Variants in CDH2 observed in about 807,000 individuals in gnomAD.
The protein encoded by CDH2 is cadherin 2.
In CDH2, 17 loss-of-function variants were observed where a neutral mutation model predicts 92.0. The ratio of observed to expected loss-of-function variants is 0.18; its 90% CI spans 0.13 to 0.28. The LOEUF (loss-of-function observed/expected upper bound fraction) is 0.28, where lower values mean the gene tolerates loss of function less well. Among genes scored for constraint, CDH2 ranks in the 10% least tolerant of loss-of-function variants. The probability of loss-of-function intolerance (pLI) is 1.00; values close to 1 mark genes in which losing one functional copy is unlikely to be tolerated. For synonymous variants in CDH2, 419 were observed against 415.9 expected, an observed-to-expected ratio of 1.01 and a Z score of -0.09; for missense variants, 862 against 1,133.1, an observed-to-expected ratio of 0.76 and a Z score of 3.44.
At chr18:28,164,719 T>C (rs1195349116) in intron 1 of CDH2, among the ~76,000 whole-genome samples, 4 of 152,008 alleles carry the variant, frequency 2.6e-5, no homozygotes, top group African/African-American at 9.7e-5. Context: ...CTTACTAGCA[T>C]ATGAAACAAT....
intron 1 of CDH2, among the ~76,000 whole-genome samples, chr18:28,171,909 TAC>T (rs1210010510): frequency 6.6e-5 from 10 of 152,164 alleles, no homozygotes; most frequent in Non-Finnish European, 1.5e-4. Flanking sequence ...CCCTTGACAC[TAC>T]ACAAGGGCAT....
At chr18:28,142,421 G>A (rs1408668219) in intron 2 of CDH2, among the ~76,000 whole-genome samples, 5 of 150,354 alleles carry the variant, frequency 3.3e-5, no homozygotes, top group African/African-American at 4.9e-5. Flanking sequence ...AAAATACATC[G>A]AAAGGGATAT....
chr18:28,119,686 C>T (rs767635618), intron 2 of CDH2, among the ~76,000 whole-genome samples: 17 of 152,070 alleles, frequency 1.1e-4, no homozygotes, highest in South Asian at 2.1e-4. Context: ...TATTCATTCT[C>T]GTCTTCTCCC....
chr18:27,960,949 T>G (rs2011386075), intron 15 of CDH2, among the ~76,000 whole-genome samples: 1 of 151,952 alleles, frequency 6.6e-6, no homozygotes, highest in Admixed American at 6.6e-5. Context: ...TAACTCCTAC[T>G]GTGGCCGAGA....
intron 2 of CDH2, among the ~76,000 whole-genome samples, chr18:28,093,044 G>A (rs1401130746): frequency 6.6e-6 from 1 of 152,110 alleles, no homozygotes; most frequent in African/African-American, 2.4e-5. Flanking sequence ...AGTGGCAACA[G>A]AGCGGTTGGA....
intron 2 of CDH2, among the ~76,000 whole-genome samples, chr18:28,053,902 G>A (rs915600813): frequency 6.6e-6 from 1 of 152,006 alleles, no homozygotes; most frequent in African/African-American, 2.4e-5. Context: ...ACGGGCTCCC[G>A]AGAATTTTAA....
At chr18:28,107,848 G>A (rs2015347944) in intron 2 of CDH2, among the ~76,000 whole-genome samples, 1 of 152,058 alleles carries the variant, frequency 6.6e-6, no homozygotes. Flanking sequence ...CTAACACTTT[G>A]TAGTCTAGCG....
intron 2 of CDH2, among the ~76,000 whole-genome samples, chr18:28,029,622 A>C (rs2013643816): frequency 6.6e-6 from 1 of 152,106 alleles, no homozygotes; most frequent in South Asian, 2.1e-4. Flanking sequence ...AGAAATGATT[A>C]CACTTCTATT....
chr18:27,934,447 T>A (rs1908973852), intron 6 of CDH2, among the ~76,000 whole-genome samples: 1 of 152,234 alleles, frequency 6.6e-6, no homozygotes, highest in Non-Finnish European at 1.5e-5. Flanking sequence ...TGGTTTATTG[T>A]CTCTTTGATA....
chr18:28,057,953 T>C (rs1309602012), intron 2 of CDH2, among the ~76,000 whole-genome samples: 1 of 152,178 alleles, frequency 6.6e-6, no homozygotes, highest in Admixed American at 6.5e-5. Context: ...GGTTTGGTGA[T>C]TGTTCTAGAA....
intron 2 of CDH2, among the ~76,000 whole-genome samples, chr18:28,094,279 G>A (rs1000131633): frequency 6.6e-6 from 1 of 151,998 alleles, no homozygotes; most frequent in Non-Finnish European, 1.5e-5. Flanking sequence ...TTGAAGCCAG[G>A]AGTTCGAGAC....
At chr18:28,005,080 G>C (rs1302569090) in intron 6 of CDH2, among the ~76,000 whole-genome samples, 1 of 152,160 alleles carries the variant, frequency 6.6e-6, no homozygotes, top group Non-Finnish European at 1.5e-5. Context: ...ATCTCAGGAA[G>C]CCTGGTCAAA....
At chr18:28,056,728 G>A (rs778811079) in intron 2 of CDH2, among the ~76,000 whole-genome samples, 10 of 152,044 alleles carry the variant, frequency 6.6e-5, no homozygotes, top group Non-Finnish European at 1.5e-4. Flanking sequence ...TTTTGCCTTA[G>A]AATTAACTCT....
Position 28,109,454 on chromosome 18 carries a change from A to T in CDH2, c.172+38219T>A, listed in dbSNP as rs138080406. 8.8e-3 allele frequency among the ~76,000 whole-genome samples: 1,335 copies of T among 152,306 alleles called. 8 individuals are homozygous for T. Among genetic ancestry groups the T allele is most frequent in the Non-Finnish European group, 0.012 (796 of 68,018 alleles). ...CAGTTCATGCGGTAGTTAAAGAGGAAGATTCACTGAACATAATGAAAACTT... is the reference window on the plus strand; with the variant it reads ...CAGTTCATGCGGTAGTTAAAGAGGATGATTCACTGAACATAATGAAAACTT... On this transcript the variant is annotated intron_variant, in intron 2 of 15. Transcript: ENST00000269141.
rs11564304 is a variant in CDH2 at position 28,022,342 on chromosome 18, T to C, written c.173-8433A>G. On this transcript the variant is annotated intron_variant, in intron 2 of 15. Coordinates refer to ENST00000269141, the MANE Select transcript of CDH2 (RefSeq NM_001792.5). ...CCATTTTCTTTATAGCATATAATTA[T>C]GATAAGAAAACAAATACAGAGTATT... Among the ~76,000 whole-genome samples, 577 of 152,206 alleles carry C rather than the reference T, an allele frequency of 3.8e-3. 18 individuals are homozygous for C. In the East Asian group the frequency reaches 0.079, roughly 21 times the overall value.
chr18:28,139,106 G>C (rs1392142265), intron 2 of CDH2, among the ~76,000 whole-genome samples: 1 of 152,018 alleles, frequency 6.6e-6, no homozygotes, highest in Non-Finnish European at 1.5e-5. Flanking sequence ...ACAAAATGAA[G>C]AGTTTTTAAC....
intron 7 of CDH2, among the ~76,000 whole-genome samples, chr18:28,001,867 A>T (rs1287997404): frequency 1.3e-5 from 2 of 152,252 alleles, no homozygotes; most frequent in Non-Finnish European, 2.9e-5. Flanking sequence ...TTCTATAGCA[A>T]ATAAAGTGTC....
chr18:28,169,984 C>T (rs2016440683), intron 1 of CDH2, among the ~76,000 whole-genome samples: 1 of 152,304 alleles, frequency 6.6e-6, no homozygotes, highest in Admixed American at 6.5e-5. Flanking sequence ...AAAAGTTAAA[C>T]ATTCAATCAG....
intron 1 of CDH2, among the ~76,000 whole-genome samples, chr18:28,171,150 A>G (rs2016458818): frequency 6.6e-6 from 1 of 151,158 alleles, no homozygotes; most frequent in Admixed American, 6.6e-5. Context: ...GAATTCCTTG[A>G]GCCCGGGAGA....
Sources: gnomAD v4.1 joint callset for allele counts (sites outside exome capture counted in the v4.1 genomes callset) on GRCh38, gnomAD v4.1.1 for gene constraint, MANE v1.5 for transcripts, NCBI Gene and HGNC (gene_info 2026-07-23, HGNC 2026-07-21) for gene names.